The following ERMP1 variants were observed in gnomAD, a reference collection of about 807,000 sequenced individuals.
The protein encoded by ERMP1 is endoplasmic reticulum metallopeptidase 1, also known as Felix-ina.
A neutral mutation model predicts 92.0 loss-of-function variants in ERMP1; 86 were observed. That is an observed-to-expected ratio of 0.93 (90% CI 0.79 to 1.12). ERMP1 has a LOEUF of 1.12. Ranked by LOEUF, ERMP1 falls within the 50% of genes most tolerant of loss-of-function variation. The pLI is 0.00. For synonymous variants in ERMP1, 530 were observed against 412.8 expected, an observed-to-expected ratio of 1.28 and a Z score of -3.44; for missense variants, 1,342 against 1,116.3, an observed-to-expected ratio of 1.20 and a Z score of -2.88.
intron 3 of ERMP1, among the ~76,000 whole-genome samples, chr9:5,824,474 A>T (rs2129648435): frequency 6.6e-6 from 1 of 152,236 alleles, no homozygotes; most frequent in African/African-American, 2.4e-5. Flanking sequence ...TCGATCTCGG[A>T]TCACCGCAAT....
intron 4 of ERMP1, among the ~76,000 whole-genome samples, chr9:5,818,502 G>C (rs779784649): frequency 2.0e-4 from 31 of 152,144 alleles, no homozygotes; most frequent in Non-Finnish European, 8.8e-5. Flanking sequence ...GACTGCTTAA[G>C]TCCAGAAGTT....
rs1828945717 is a variant in ERMP1 at position 5,808,301 on chromosome 9, C to G, written c.1548+1710G>C. 2.0e-5 allele frequency among the ~76,000 whole-genome samples: 3 copies of G among 152,210 alleles called. No individual in the cohort carries two copies. In the South Asian group the frequency reaches 6.2e-4, roughly 32 times the overall value. Reference sequence around the variant, plus strand: ...TACACATTTCTATCCTACTTCTGCCCCAATCAACAATAGTTAGCCACACTC... The same window carrying G: ...TACACATTTCTATCCTACTTCTGCCGCAATCAACAATAGTTAGCCACACTC... On this transcript the variant is annotated intron_variant, in intron 8 of 14. Coordinates refer to ENST00000339450, the MANE Select transcript of ERMP1 (RefSeq NM_024896.3).
intron 10 of ERMP1, among the ~76,000 whole-genome samples, chr9:5,801,750 G>A (rs1174959934): frequency 2.0e-5 from 3 of 152,200 alleles, no homozygotes; most frequent in Non-Finnish European, 4.4e-5. Context: ...TTTAAAATAT[G>A]TCAAAATACT....
At chr9:5,809,464 G>A (rs1014185815) in intron 8 of ERMP1, among the ~76,000 whole-genome samples, 3 of 152,048 alleles carry the variant, frequency 2.0e-5, no homozygotes, top group African/African-American at 7.3e-5. Context: ...TAACTCCAAT[G>A]ACATACATGC....
At chr9:5,849,355 G>A (rs901029193) in intron 6 of ERMP1, among the ~76,000 whole-genome samples, 1 of 152,174 alleles carries the variant, frequency 6.6e-6, no homozygotes, top group African/African-American at 2.4e-5. Flanking sequence ...GTAGGGGAGA[G>A]AAGGGATCCT....
chr9:5,845,587 T>G (rs1248470301), intron 6 of ERMP1, among the ~76,000 whole-genome samples: 2 of 152,174 alleles, frequency 1.3e-5, no homozygotes, highest in Non-Finnish European at 1.5e-5. Flanking sequence ...TTAACTGCAC[T>G]CCACCTCATC....
intron 4 of ERMP1, among the ~76,000 whole-genome samples, chr9:5,816,745 T>G (rs150722802): frequency 1.3e-5 from 2 of 152,180 alleles, no homozygotes; most frequent in Non-Finnish European, 2.9e-5. Flanking sequence ...TGTTGTAGAA[T>G]TGACTAGTGT....
chr9:5,824,653 G>A (rs927744120), intron 3 of ERMP1, among the ~76,000 whole-genome samples: 3 of 151,918 alleles, frequency 2.0e-5, no homozygotes, highest in Admixed American at 6.6e-5. Context: ...TGCCTGCCTC[G>A]GCCTCCCAAA....
chr9:5,798,713 T>C, intron 12 of ERMP1, 93 bp downstream of exon 12: 1 of 765,620 alleles, frequency 1.3e-6, no homozygotes, highest in South Asian at 1.7e-5. Context: ...TGAACTTGTA[T>C]ATTAAAGGAT....
upstream of ERMP1, among the ~76,000 whole-genome samples, chr9:5,834,500 T>C (rs1420896778): frequency 2.0e-5 from 3 of 152,226 alleles, no homozygotes; most frequent in Non-Finnish European, 2.9e-5. Flanking sequence ...ATGTAGTCAA[T>C]AGATATTTCT....
At chr9:5,808,622 T>C (rs943241435) in intron 8 of ERMP1, among the ~76,000 whole-genome samples, 1 of 152,194 alleles carries the variant, frequency 6.6e-6, no homozygotes, top group African/African-American at 2.4e-5. Context: ...TTGAAAACAG[T>C]AGGCTTACAT....
rs1827861732 is a variant in ERMP1 at position 5,784,641 on chromosome 9, G to A, written c.*2503C>T. On this transcript the variant is annotated 3_prime_UTR_variant, in exon 15 of 15. Transcript: ENST00000339450. ...ATCCTCAGTAAGTCAGCAAACCAGTGACAAGAAATTGACAAACACTCCTTC... is the reference window on the plus strand; with the variant it reads ...ATCCTCAGTAAGTCAGCAAACCAGTAACAAGAAATTGACAAACACTCCTTC... 6.6e-6 allele frequency: 1 copy of A among 152,612 alleles called. No individual in the cohort carries two copies. Among genetic ancestry groups the A allele is most frequent in the Non-Finnish European group, 1.5e-5 (1 of 68,034 alleles). The allele number at this position is 152,612 out of a possible 1,614,324, so 9.5% of individuals were successfully genotyped here.
chr9:5,814,794 T>C (rs1222459605), intron 4 of ERMP1, among the ~76,000 whole-genome samples: 1 of 152,036 alleles, frequency 6.6e-6, no homozygotes, highest in Non-Finnish European at 1.5e-5. Context: ...GAAACAGACA[T>C]ACAAGTAATC....
At chr9:5,829,565 C>A (rs1403003625) in intron 2 of ERMP1, among the ~76,000 whole-genome samples, 1 of 152,180 alleles carries the variant, frequency 6.6e-6, no homozygotes, top group African/African-American at 2.4e-5. Context: ...ATCCTCCAAG[C>A]AACACTATTA....
At chr9:5,848,242 A>G (rs1488628333) in intron 6 of ERMP1, among the ~76,000 whole-genome samples, 1 of 152,196 alleles carries the variant, frequency 6.6e-6, no homozygotes, top group Non-Finnish European at 1.5e-5. Flanking sequence ...GGCCTGATGT[A>G]AACACATGGA....
At chr9:5,827,944 C>G (rs140768523) in intron 2 of ERMP1, among the ~76,000 whole-genome samples, 157 of 152,110 alleles carry the variant, frequency 1.0e-3, no homozygotes, top group African/African-American at 3.4e-3. Context: ...CGCCACTGCA[C>G]TCTAGCCTGG....
chr9:5,847,788 G>C (rs913304192), intron 6 of ERMP1, among the ~76,000 whole-genome samples: 1 of 151,754 alleles, frequency 6.6e-6, no homozygotes, highest in African/African-American at 2.4e-5. Flanking sequence ...CCAGCTACTC[G>C]GGAGGCTGAG....
chr9:5,834,156 C>T (rs1830052195), upstream of ERMP1, among the ~76,000 whole-genome samples: 1 of 152,240 alleles, frequency 6.6e-6, no homozygotes, highest in African/African-American at 2.4e-5. Flanking sequence ...GCCACACTGG[C>T]CTCTTTCAAA....
upstream of ERMP1, among the ~76,000 whole-genome samples, chr9:5,836,923 C>T (rs545418753): frequency 6.6e-6 from 1 of 152,260 alleles, no homozygotes; most frequent in South Asian, 2.1e-4. Context: ...TTGCACTCTA[C>T]TTTTAACCCC....
Sources: allele counts gnomAD v4.1 joint callset (sites outside exome capture counted in the v4.1 genomes callset), GRCh38; gene constraint gnomAD v4.1.1; transcripts MANE v1.5; gene names NCBI Gene and HGNC (gene_info 2026-07-23, HGNC 2026-07-21).